The following CNTNAP2 variants were observed in gnomAD, a reference collection of about 807,000 sequenced individuals.
The protein encoded by CNTNAP2 is contactin associated protein 2, also known as contactin-associated protein-like 2.
CNTNAP2 carries 98 observed loss-of-function variants against 155.2 expected under a neutral mutation model. That is an observed-to-expected ratio of 0.63 (90% CI 0.54 to 0.75). The LOEUF is 0.75. CNTNAP2 is among the 30% of genes least tolerant of loss of function. CNTNAP2 has a pLI of 0.00. For missense variants in CNTNAP2, 1,727 were observed against 1,688.1 expected, an observed-to-expected ratio of 1.02 and a Z score of -0.40; for synonymous variants, 651 against 631.2, an observed-to-expected ratio of 1.03 and a Z score of -0.47.
chr7:147,502,654 A>T (rs1350617277), intron 11 of CNTNAP2, among the ~76,000 whole-genome samples: 2 of 152,068 alleles, frequency 1.3e-5, no homozygotes, highest in Non-Finnish European at 2.9e-5. Context: ...GTGTTCTCAC[A>T]CAAAAAAGAA....
chr7:147,665,094 T>C (rs149636978), intron 13 of CNTNAP2, among the ~76,000 whole-genome samples: 2,539 of 152,282 alleles, frequency 0.017, 224 homozygotes, highest in Admixed American at 0.15. Flanking sequence ...CCAGACCAAA[T>C]TTTTACCTGT....
chr7:146,885,747 T>A (rs1795643460), intron 3 of CNTNAP2, among the ~76,000 whole-genome samples: 1 of 152,176 alleles, frequency 6.6e-6, no homozygotes, highest in Non-Finnish European at 1.5e-5. Flanking sequence ...TGTTTTCAAT[T>A]ACCGTATTGT....
chr7:148,355,108 T>TTCCTGACTTAC (rs1798488439), intron 21 of CNTNAP2, among the ~76,000 whole-genome samples: 1 of 150,096 alleles, frequency 6.7e-6, no homozygotes, highest in South Asian at 2.1e-4. Context: ...ATCATAGTGA[T>TTCCTGACTTAC]TCCTGACTTA....
intron 4 of CNTNAP2, among the ~76,000 whole-genome samples, chr7:147,078,508 G>C (rs903168068): frequency 6.6e-6 from 1 of 152,016 alleles, no homozygotes; most frequent in Non-Finnish European, 1.5e-5. Flanking sequence ...TTCTGAAGCT[G>C]TTGAAAGCAC....
Position 147,801,364 on chromosome 7 carries a change from T to C in CNTNAP2, c.2099-102201T>C, listed in dbSNP as rs1233405783. Among the ~76,000 whole-genome samples the C allele has an allele frequency of 4.6e-5, 7 of 151,502 alleles. No homozygotes were observed. The East Asian group carries it at 5.8e-4, about 13-fold the overall frequency. ...TTTTATTGATCATTCTTGGGTGTTTTTCGCAGAGGGGGATTTGGCAGGGTC... is the reference window on the plus strand; with the variant it reads ...TTTTATTGATCATTCTTGGGTGTTTCTCGCAGAGGGGGATTTGGCAGGGTC... On this transcript the variant is annotated intron_variant, in intron 13 of 23. Transcript: ENST00000361727.
intron 13 of CNTNAP2, among the ~76,000 whole-genome samples, chr7:147,792,689 T>C (rs910770853): frequency 1.2e-4 from 19 of 152,218 alleles, no homozygotes; most frequent in East Asian, 5.8e-4. Flanking sequence ...TCTGTAGATA[T>C]ATGCTTTTAA....
At chr7:148,228,164 G>T (rs1261341110) in intron 19 of CNTNAP2, among the ~76,000 whole-genome samples, 1 of 152,072 alleles carries the variant, frequency 6.6e-6, no homozygotes, top group East Asian at 1.9e-4. Flanking sequence ...TTGCTAGATT[G>T]CTGGCTCCAT....
chr7:147,974,018 G>A (rs1340324752), intron 14 of CNTNAP2, among the ~76,000 whole-genome samples: 1 of 152,090 alleles, frequency 6.6e-6, no homozygotes, highest in African/African-American at 2.4e-5. Context: ...CATCCCTGAT[G>A]TTAATCAGTT....
chr7:148,240,856 C>T (rs1346287685), intron 20 of CNTNAP2, among the ~76,000 whole-genome samples: 1 of 152,032 alleles, frequency 6.6e-6, no homozygotes, highest in African/African-American at 2.4e-5. Flanking sequence ...AGCATCCCAG[C>T]ATGGGAGAAA....
At chr7:147,903,442 C>T in intron 13 of CNTNAP2, 123 bp from the exon 14 acceptor site, 2 of 1,071,790 alleles carry the variant, frequency 1.9e-6, no homozygotes, top group Non-Finnish European at 2.8e-6. Context: ...AATAAATTGA[C>T]TTTTAAGAGG....
chr7:147,718,173 C>T (rs933748727), intron 13 of CNTNAP2, among the ~76,000 whole-genome samples: 1 of 151,880 alleles, frequency 6.6e-6, no homozygotes, highest in Non-Finnish European at 1.5e-5. Flanking sequence ...TTACTTTGAC[C>T]GTGGAAGCAC....
chr7:148,067,783 A>G (rs918965927), intron 15 of CNTNAP2, among the ~76,000 whole-genome samples: 1 of 152,106 alleles, frequency 6.6e-6, no homozygotes, highest in Non-Finnish European at 1.5e-5. Flanking sequence ...AGCCAGGATT[A>G]GGCGTGTCTG....
intron 14 of CNTNAP2, among the ~76,000 whole-genome samples, chr7:147,919,709 C>T (rs536004571): frequency 5.9e-4 from 90 of 151,694 alleles, no homozygotes; most frequent in African/African-American, 1.8e-3. Flanking sequence ...CCGCCCGCCT[C>T]GGCCTCCCAA....
chr7:147,045,181 G>C (rs1400342368), intron 4 of CNTNAP2, among the ~76,000 whole-genome samples: 1 of 152,050 alleles, frequency 6.6e-6, no homozygotes, highest in Non-Finnish European at 1.5e-5. Context: ...AGGGGATTTG[G>C]TTTCTCTATG....
In CNTNAP2 at chr7:147,993,644, T is replaced by C. The variant is rs144503507; in HGVS notation, c.2383+15655T>C. Among the ~76,000 whole-genome samples the C allele has an allele frequency of 1.7e-3, 266 of 152,344 alleles. 2 individuals are homozygous for C. The highest frequency in any genetic ancestry group is 6.1e-3 in the African/African-American group (253 of 41,582). On this transcript the variant is annotated intron_variant, in intron 15 of 23. Transcript: ENST00000361727. ...TATTGATTCCACTCTGAACTTTAGA[T>C]GGCCATATCACATCTGAAACCAGTC... is the stretch of plus-strand genomic sequence containing the variant.
intron 13 of CNTNAP2, among the ~76,000 whole-genome samples, chr7:147,661,517 A>G (rs936780430): frequency 6.6e-6 from 1 of 151,666 alleles, no homozygotes; most frequent in Non-Finnish European, 1.5e-5. Flanking sequence ...CTGATTTCCA[A>G]ATTCAGCTCT....
chr7:146,838,399 C>T (rs558722721), intron 2 of CNTNAP2, among the ~76,000 whole-genome samples: 1 of 152,254 alleles, frequency 6.6e-6, no homozygotes, highest in Admixed American at 6.5e-5. Flanking sequence ...CTCACTGCAA[C>T]CTCTGCCTCC....
intron 13 of CNTNAP2, among the ~76,000 whole-genome samples, chr7:147,781,789 T>C (rs1249264408): frequency 2.6e-5 from 4 of 152,144 alleles, no homozygotes; most frequent in African/African-American, 9.7e-5. Flanking sequence ...TTTGGGAGGC[T>C]GAGGCGGGCG....
intron 17 of CNTNAP2, among the ~76,000 whole-genome samples, chr7:148,157,876 A>C (rs1368321702): frequency 6.6e-6 from 1 of 152,206 alleles, no homozygotes; most frequent in African/African-American, 2.4e-5. Flanking sequence ...ACTACATTGA[A>C]ATCAATCGAC....
Sources: allele counts gnomAD v4.1 joint callset (sites outside exome capture counted in the v4.1 genomes callset), GRCh38; gene constraint gnomAD v4.1.1; transcripts MANE v1.5; gene names NCBI Gene and HGNC (gene_info 2026-07-23, HGNC 2026-07-21).